The following YPEL2 variants were observed in gnomAD, a reference collection of about 807,000 sequenced individuals.
YPEL2 encodes the protein protein yippee-like 2.
In YPEL2, 2 loss-of-function variants were observed where a neutral mutation model predicts 19.1. The observed-to-expected ratio is 0.10, with a 90% confidence interval of 0.04 to 0.33. The LOEUF (loss-of-function observed/expected upper bound fraction) is 0.33, where lower values mean the gene tolerates loss of function less well. Ranked by LOEUF, YPEL2 falls within the 10% of genes least tolerant of loss-of-function variation. YPEL2 has a pLI of 1.00. For missense variants in YPEL2, 66 were observed against 140.7 expected, an observed-to-expected ratio of 0.47 and a Z score of 2.68; for synonymous variants, 52 against 50.0, an observed-to-expected ratio of 1.04 and a Z score of -0.17.
intron 1 of YPEL2, among the ~76,000 whole-genome samples, chr17:59,340,517 G>A (rs1323114889): frequency 2.7e-5 from 4 of 150,870 alleles, no homozygotes; most frequent in Admixed American, 1.3e-4. Context: ...CCAGGTTCAC[G>A]CCATTCTCCT....
chr17:59,334,854 T>G (rs1354840183), intron 1 of YPEL2, among the ~76,000 whole-genome samples: 1 of 152,098 alleles, frequency 6.6e-6, no homozygotes, highest in African/African-American at 2.4e-5. Context: ...GAATGTTTAG[T>G]TTTGAGCATA....
chr17:59,393,013 G>C (rs111284149), intron 4 of YPEL2, among the ~76,000 whole-genome samples: 74 of 152,332 alleles, frequency 4.9e-4, no homozygotes, highest in Admixed American at 2.5e-3. Flanking sequence ...GTAAGTGATG[G>C]TTCAATGCTG....
chr17:59,389,730 C>G (rs892627185), intron 4 of YPEL2, among the ~76,000 whole-genome samples: 1 of 151,652 alleles, frequency 6.6e-6, no homozygotes, highest in Admixed American at 6.6e-5. Flanking sequence ...CCTTACTCGA[C>G]AGCTCACTAG....
At chr17:59,343,654 G>C (rs768808529) in intron 1 of YPEL2, among the ~76,000 whole-genome samples, 3 of 152,094 alleles carry the variant, frequency 2.0e-5, no homozygotes, top group Non-Finnish European at 4.4e-5. Context: ...GACTGAGTTT[G>C]ATCTGTAGGA....
In YPEL2 at chr17:59,397,097, C is replaced by T. The variant is rs1032438239; in HGVS notation, c.271-4C>T. On this transcript the variant is annotated splice_region_variant and splice_polypyrimidine_tract_variant and intron_variant, in intron 4 of 4. Coordinates refer to ENST00000312655, the MANE Select transcript of YPEL2 (RefSeq NM_001005404.4). ...TATCTCTTCTCTGCTTCTGTATTTCCTAGGAACATGCTTTTGAAAGCAGCC... is the reference window on the plus strand; with the variant it reads ...TATCTCTTCTCTGCTTCTGTATTTCTTAGGAACATGCTTTTGAAAGCAGCC... 5 of 1,604,102 alleles carry T rather than the reference C, an allele frequency of 3.1e-6. No homozygotes were observed. The highest frequency in any genetic ancestry group is 4.3e-6 in the Non-Finnish European group (5 of 1,175,702).
chr17:59,363,167 G>C (rs1328245646), intron 2 of YPEL2: 1 of 151,636 alleles, frequency 6.6e-6, no homozygotes, highest in Non-Finnish European at 1.5e-5. Context: ...TATATAGAGA[G>C]AGAGAGAGAC....
intron 2 of YPEL2, among the ~76,000 whole-genome samples, chr17:59,361,984 C>T (rs969028486): frequency 1.3e-5 from 2 of 152,156 alleles, no homozygotes; most frequent in Non-Finnish European, 2.9e-5. Context: ...ACTGTGAAAA[C>T]ATTAAAGGTG....
chr17:59,345,698 C>T (rs926837196), intron 1 of YPEL2, among the ~76,000 whole-genome samples: 2 of 152,070 alleles, frequency 1.3e-5, no homozygotes, highest in African/African-American at 4.8e-5. Flanking sequence ...ACCTGGGGGA[C>T]GGGAACGCCA....
At chr17:59,358,860 G>A (rs1398860910) in intron 2 of YPEL2, among the ~76,000 whole-genome samples, 3 of 151,280 alleles carry the variant, frequency 2.0e-5, no homozygotes, top group Non-Finnish European at 4.4e-5. Flanking sequence ...CGCCCACCTC[G>A]GCCTCTTAAA....
intron 2 of YPEL2, among the ~76,000 whole-genome samples, chr17:59,367,011 A>G (rs964582474): frequency 6.6e-6 from 1 of 152,350 alleles, no homozygotes; most frequent in Non-Finnish European, 1.5e-5. Context: ...AGGAAAGCCA[A>G]TAAGATAAGG....
chr17:59,352,575 G>T (rs1364365545), intron 1 of YPEL2, among the ~76,000 whole-genome samples: 1 of 152,198 alleles, frequency 6.6e-6, no homozygotes, highest in East Asian at 1.9e-4. Flanking sequence ...AATGTACTGA[G>T]TATTTACTTC....
intron 2 of YPEL2, among the ~76,000 whole-genome samples, chr17:59,373,696 G>C (rs2047907568): frequency 6.6e-6 from 1 of 152,100 alleles, no homozygotes; most frequent in Admixed American, 6.5e-5. Flanking sequence ...CTTCTTGTTG[G>C]ACACTTGGGT....
intron 2 of YPEL2, among the ~76,000 whole-genome samples, chr17:59,380,272 C>CTTTTT (rs548409762): frequency 1.1e-4 from 12 of 106,406 alleles, no homozygotes; most frequent in Non-Finnish European, 2.2e-4. Context: ...TATCTAACTT[C>CTTTTT]TTTTTTTTTT....
At chr17:59,347,123 A>G (rs546493308) in intron 1 of YPEL2, among the ~76,000 whole-genome samples, 5 of 152,322 alleles carry the variant, frequency 3.3e-5, no homozygotes, top group East Asian at 1.9e-4. Flanking sequence ...CCAGGCACAT[A>G]TGCTGAATAC....
chr17:59,386,648 C>A (rs1166835889), intron 2 of YPEL2, among the ~76,000 whole-genome samples: 1 of 152,090 alleles, frequency 6.6e-6, no homozygotes, highest in Non-Finnish European at 1.5e-5. Flanking sequence ...TGTTTGTGCT[C>A]CAGGATTGAA....
At chr17:59,375,061 C>T (rs932919686) in intron 2 of YPEL2, among the ~76,000 whole-genome samples, 2 of 152,110 alleles carry the variant, frequency 1.3e-5, no homozygotes, top group African/African-American at 4.8e-5. Context: ...TTGGCATTGT[C>T]AGAGTGATTG....
chr17:59,376,400 A>T (rs2047920981), intron 2 of YPEL2, among the ~76,000 whole-genome samples: 1 of 151,972 alleles, frequency 6.6e-6, no homozygotes, highest in Admixed American at 6.6e-5. Context: ...TGTATTTTTG[A>T]TAGAGACGGG....
At chr17:59,373,502 A>G (rs1453330316) in intron 2 of YPEL2, among the ~76,000 whole-genome samples, 2 of 152,084 alleles carry the variant, frequency 1.3e-5, no homozygotes, top group Non-Finnish European at 2.9e-5. Context: ...GCCGCGATTT[A>G]TACTGCTTTA....
intron 1 of YPEL2, among the ~76,000 whole-genome samples, chr17:59,348,058 AC>A (rs1453111790): frequency 6.6e-6 from 1 of 152,120 alleles, no homozygotes; most frequent in Non-Finnish European, 1.5e-5. Context: ...AACACCTAGA[AC>A]CCCTGTGGAG....
Sources: allele counts gnomAD v4.1 joint callset (sites outside exome capture counted in the v4.1 genomes callset), GRCh38; gene constraint gnomAD v4.1.1; transcripts MANE v1.5; gene names NCBI Gene and HGNC (gene_info 2026-07-23, HGNC 2026-07-21).